Variants in SAMD12 observed in about 807,000 individuals in gnomAD.
SAMD12 encodes the protein sterile alpha motif domain-containing protein 12.
Under a neutral mutation model 15.0 loss-of-function variants are expected in SAMD12, and 9 were observed. That is an observed-to-expected ratio of 0.60 (90% CI 0.36 to 1.05). The LOEUF (loss-of-function observed/expected upper bound fraction) is 1.05, where lower values mean the gene tolerates loss of function less well. Ranked by LOEUF, SAMD12 falls within the 50% of genes least tolerant of loss-of-function variation. The probability of loss-of-function intolerance (pLI) is 0.01; values close to 1 mark genes in which losing one functional copy is unlikely to be tolerated. For missense variants in SAMD12, 230 were observed against 234.2 expected (o/e 0.98, Z 0.12); for synonymous variants, 86 against 90.1 (o/e 0.96, Z 0.25).
chr8:118,353,744 T>C (rs1818080595), intron 4 of SAMD12, among the ~76,000 whole-genome samples: 1 of 152,118 alleles, frequency 6.6e-6, no homozygotes, highest in African/African-American at 2.4e-5. Context: ...TCCATTCTTG[T>C]CTCTTCAGTC....
chr8:118,252,340 G>A (rs888890345), intron 4 of SAMD12, among the ~76,000 whole-genome samples: 2 of 152,128 alleles, frequency 1.3e-5, no homozygotes, highest in Non-Finnish European at 2.9e-5. Context: ...AGAGGGGTCT[G>A]TCCAAAGATC....
rs1819541448 is a variant in SAMD12 at position 118,379,271 on chromosome 8, C to A, written c.*146G>T. ...TACCCTGATTGATGTGACTGGTATT[C>A]TCTGGGGTTGTGCAGTACACAATCC... On this transcript the variant is annotated 3_prime_UTR_variant, in exon 4 of 4. Coordinates refer to ENST00000314727, the MANE Select transcript of SAMD12 (RefSeq NM_207506.3). 1 of 1,439,376 alleles carries A rather than the reference C, an allele frequency of 6.9e-7. No individual in the cohort carries two copies. The highest frequency in any genetic ancestry group is 9.1e-7 in the Non-Finnish European group (1 of 1,099,722). 89.2% of individuals were successfully genotyped at this position (1,439,376 alleles called of 1,614,324 possible). A position where few individuals can be genotyped will look rare whatever the true frequency, so the allele number is the denominator to read the frequency against.
the SAMD12 span, among the ~76,000 whole-genome samples, chr8:118,175,625 A>C: frequency 1.3e-5 from 2 of 152,224 alleles, no homozygotes; most frequent in African/African-American, 4.8e-5. Context: ...AGAATCTATA[A>C]GGGACCTAAA....
At chr8:118,425,003 A>G (rs1180035169) in intron 3 of SAMD12, among the ~76,000 whole-genome samples, 1 of 145,424 alleles carries the variant, frequency 6.9e-6, no homozygotes, top group African/African-American at 2.6e-5. Flanking sequence ...CAGTGGTGGG[A>G]TCTCGGCTCA....
the SAMD12 span, among the ~76,000 whole-genome samples, chr8:118,181,738 C>CTT: frequency 2.5e-3 from 387 of 152,336 alleles, 3 homozygotes; most frequent in Non-Finnish European, 1.5e-3. Context: ...TGTCTCTCTG[C>CTT]TTAAGGTAGT....
chr8:118,167,147 C>G, the SAMD12 span, among the ~76,000 whole-genome samples: 2 of 152,152 alleles, frequency 1.3e-5, no homozygotes, highest in Non-Finnish European at 2.9e-5. Flanking sequence ...GGTGTTTCCT[C>G]TCAAGGAAAA....
chr8:118,229,183 T>C lies in SAMD12; in HGVS notation c.434-31451A>G, dbSNP rs559691589. Among the ~76,000 whole-genome samples the C allele has an allele frequency of 5.1e-4, 78 of 152,202 alleles. No homozygotes were observed. In the Middle Eastern group the frequency reaches 0.01, roughly 20 times the overall value. The stretch of plus-strand genomic sequence containing the variant: ...ATAAAAGACTACAAATATGGTGCAG[T>C]GTATACTGCTTGGGTGATGGGTGCG... On this transcript the variant is annotated intron_variant, in intron 4 of 4. Coordinates refer to the SAMD12 transcript ENST00000409003.
chr8:118,247,583 T>C (rs1393780256), intron 4 of SAMD12, among the ~76,000 whole-genome samples: 1 of 151,726 alleles, frequency 6.6e-6, no homozygotes, highest in Non-Finnish European at 1.5e-5. Flanking sequence ...AAAATTTTAT[T>C]TATTTATTTA....
At chr8:118,276,730 T>C (rs1422746787) in intron 4 of SAMD12, among the ~76,000 whole-genome samples, 5 of 152,152 alleles carry the variant, frequency 3.3e-5, no homozygotes, top group African/African-American at 7.2e-5. Flanking sequence ...TGGAGTGCGG[T>C]GGTGTGATCT....
At chr8:118,620,846 G>A (rs1828381766) in intron 1 of SAMD12, among the ~76,000 whole-genome samples, 1 of 152,176 alleles carries the variant, frequency 6.6e-6, no homozygotes, top group South Asian at 2.1e-4. Flanking sequence ...TGACCTGACT[G>A]CACTCAGAAA....
At chr8:118,488,535 C>A (rs1346306701) in intron 2 of SAMD12, among the ~76,000 whole-genome samples, 1 of 152,150 alleles carries the variant, frequency 6.6e-6, no homozygotes, top group Non-Finnish European at 1.5e-5. Flanking sequence ...ACCCAATCCC[C>A]TCCCACCAAC....
At chr8:118,241,131 A>T (rs908690854) in intron 4 of SAMD12, among the ~76,000 whole-genome samples, 7 of 152,168 alleles carry the variant, frequency 4.6e-5, no homozygotes, top group African/African-American at 1.7e-4. Context: ...GTCTGCACCG[A>T]GGTCAAAGTT....
At chr8:118,329,714 T>C (rs1816727890) in intron 4 of SAMD12, among the ~76,000 whole-genome samples, 2 of 152,238 alleles carry the variant, frequency 1.3e-5, no homozygotes, top group Non-Finnish European at 2.9e-5. Flanking sequence ...ATGTTTTCCA[T>C]TATTTGACTC....
the SAMD12 span, among the ~76,000 whole-genome samples, chr8:118,146,384 A>G: frequency 6.6e-6 from 1 of 152,140 alleles, no homozygotes; most frequent in African/African-American, 2.4e-5. Flanking sequence ...GGCCTTGTCC[A>G]CCCCATTAAG....
intron 1 of SAMD12, among the ~76,000 whole-genome samples, chr8:118,611,811 C>A (rs1485660867): frequency 2.0e-5 from 3 of 152,014 alleles, no homozygotes; most frequent in African/African-American, 7.3e-5. Flanking sequence ...TTCTATGGTC[C>A]CAGAGACCAG....
chr8:118,389,364 GAGAA>G (rs1820145842), intron 3 of SAMD12, among the ~76,000 whole-genome samples: 1 of 152,164 alleles, frequency 6.6e-6, no homozygotes, highest in Non-Finnish European at 1.5e-5. Context: ...ATTGGGTGAA[GAGAA>G]CTGCCCTAAG....
At chr8:118,317,535 G>A (rs1037935974) in intron 4 of SAMD12, among the ~76,000 whole-genome samples, 3 of 152,158 alleles carry the variant, frequency 2.0e-5, no homozygotes, top group African/African-American at 4.8e-5. Context: ...AGTATATAAT[G>A]TACAATTCGG....
the SAMD12 span, among the ~76,000 whole-genome samples, chr8:118,183,203 C>T: frequency 1.3e-5 from 2 of 152,176 alleles, no homozygotes; most frequent in Non-Finnish European, 2.9e-5. Context: ...GACCACCTCC[C>T]CTTTTCCTGT....
intron 1 of SAMD12, among the ~76,000 whole-genome samples, chr8:118,592,685 G>C (rs1827612907): frequency 6.6e-6 from 1 of 152,072 alleles, no homozygotes; most frequent in South Asian, 2.1e-4. Flanking sequence ...TAATGATATT[G>C]ATTTCTTCAA....
Sources: allele counts gnomAD v4.1 joint callset (sites outside exome capture counted in the v4.1 genomes callset), GRCh38; gene constraint gnomAD v4.1.1; transcripts MANE v1.5; gene names NCBI Gene and HGNC (gene_info 2026-07-23, HGNC 2026-07-21).